IHO1: variants seen among roughly 807,000 people sequenced by gnomAD.
The protein encoded by IHO1 is interactor of HORMAD1 protein 1.
IHO1 carries 13 observed loss-of-function variants against 31.0 expected under a neutral mutation model. The ratio of observed to expected loss-of-function variants is 0.42; its 90% CI spans 0.27 to 0.67. The LOEUF (loss-of-function observed/expected upper bound fraction) is 0.67, where lower values mean the gene tolerates loss of function less well. IHO1 is among the 30% of genes least tolerant of loss of function. The pLI is 0.24. For synonymous variants in IHO1, 221 were observed against 248.4 expected, an observed-to-expected ratio of 0.89 and a Z score of 1.04; for missense variants, 599 against 687.5, an observed-to-expected ratio of 0.87 and a Z score of 1.44.
intron 2 of IHO1, among the ~76,000 whole-genome samples, chr3:49,218,180 C>T (rs1489638124): frequency 6.6e-6 from 1 of 151,890 alleles, no homozygotes; most frequent in African/African-American, 2.4e-5. Context: ...GGGTCAGCAG[C>T]TTAACTCTTT....
the IHO1 span, chr3:49,191,869 A>G: frequency 2.5e-6 from 3 of 1,187,028 alleles, no homozygotes; most frequent in Non-Finnish European, 3.6e-6. Flanking sequence ...TTTGTTGCTT[A>G]GTGACAAGGG....
In IHO1 at chr3:49,256,103, T is replaced by C; in HGVS notation, c.637-31T>C. 6.4e-7 allele frequency: 1 copy of C among 1,561,036 alleles called. No individual in the cohort carries two copies. The highest frequency in any genetic ancestry group is 8.7e-7 in the Non-Finnish European group (1 of 1,148,648). On this transcript the variant is annotated intron_variant, in intron 7 of 7. Transcript: ENST00000452691. The surrounding 1 kb of genome is among the most constrained non-coding windows in gnomAD (Gnocchi z 4.6). ...TGTGCTTTCTGACTTGCACTGTCCA[T>C]CACTGTCTTTCTCACTGCCTCTCTC...
At chr3:49,253,397 C>T (rs1051688228) in intron 6 of IHO1, among the ~76,000 whole-genome samples, 5 of 152,126 alleles carry the variant, frequency 3.3e-5, no homozygotes, top group African/African-American at 1.2e-4. Flanking sequence ...TGCACTCCAG[C>T]TAGGCGACAG....
At chr3:49,247,620 G>A (rs951846816) in intron 6 of IHO1, among the ~76,000 whole-genome samples, 1 of 150,828 alleles carries the variant, frequency 6.6e-6, no homozygotes, top group African/African-American at 2.4e-5. Context: ...GAGACTTTGT[G>A]TCTACAAAAA....
At chr3:49,208,290 T>C (rs1323770864) in intron 1 of IHO1, among the ~76,000 whole-genome samples, 1 of 152,140 alleles carries the variant, frequency 6.6e-6, no homozygotes, top group African/African-American at 2.4e-5. Flanking sequence ...CCATGGCTTG[T>C]TAGGAACCAG....
intron 6 of IHO1, among the ~76,000 whole-genome samples, chr3:49,252,811 G>A (rs1271117868): frequency 2.6e-5 from 4 of 152,090 alleles, no homozygotes; most frequent in South Asian, 2.1e-4. Context: ...TTGGGAGGCC[G>A]AGGTGGGCGA....
intron 2 of IHO1, among the ~76,000 whole-genome samples, chr3:49,219,714 G>A (rs532842933): frequency 1.3e-5 from 2 of 152,268 alleles, no homozygotes; most frequent in South Asian, 2.1e-4. Flanking sequence ...GTTGGAAAAC[G>A]TAGAGCTAAG....
chr3:49,239,663 A>ATT (rs1185572264), intron 3 of IHO1, among the ~76,000 whole-genome samples: 11 of 131,552 alleles, frequency 8.4e-5, no homozygotes, highest in Non-Finnish European at 1.3e-4. Flanking sequence ...GGCTCAAGGG[A>ATT]TTTTTTTTTT....
At chr3:49,241,109 A>T in intron 3 of IHO1, 117 bp from the exon 4 acceptor site, 1 of 598,646 alleles carries the variant, frequency 1.7e-6, no homozygotes, top group Non-Finnish European at 2.7e-6. Flanking sequence ...ACTACTTGCT[A>T]TGTTACGTTA....
In IHO1 at chr3:49,240,475, C is replaced by T. The variant is rs940498237; in HGVS notation, c.232-751C>T. 3.3e-5 allele frequency among the ~76,000 whole-genome samples: 5 copies of T among 152,158 alleles called. No homozygotes were observed. In the South Asian group the frequency reaches 6.2e-4, roughly 19 times the overall value. ...CTGACCTCAGGTGATCCGCCCGCCT[C>T]GGCCTCCCAAAGTGCTGGGATTACA... On this transcript the variant is annotated intron_variant, in intron 3 of 7. Transcript: ENST00000452691.
In IHO1 at chr3:49,236,620, T is replaced by G; in HGVS notation, c.129T>G (p.Phe43Leu). 1 of 1,613,856 alleles carries G rather than the reference T, an allele frequency of 6.2e-7. No homozygotes were observed. The highest frequency in any genetic ancestry group is 8.5e-7 in the Non-Finnish European group (1 of 1,179,728). ...GTCTCAGTGATTCCCAGTTCCTCTT[T>G]GGATCTCAGTTCTGTCCAGAAAATT... ...YSSLSDSQFL[F>L]GSQFCPENSE... The change falls in exon 3 of 8, where the codon TTT becomes TTG. Residue 43 changes from phenylalanine (F) to leucine (L), a missense_variant. Physicochemically the swap from Phe to Leu is conservative, Grantham distance 22. Transcript: ENST00000452691.
intron 2 of IHO1, among the ~76,000 whole-genome samples, chr3:49,225,126 T>C (rs1313392832): frequency 2.6e-5 from 4 of 152,238 alleles, no homozygotes; most frequent in African/African-American, 4.8e-5. Context: ...CCTGCGGGTC[T>C]GAGTAAGGAC....
chr3:49,195,205 A>G (rs2045989859), upstream of IHO1, among the ~76,000 whole-genome samples: 1 of 150,384 alleles, frequency 6.6e-6, no homozygotes, highest in Non-Finnish European at 1.5e-5. Context: ...AGATCACCTG[A>G]GGTCAGGAGT....
chr3:49,211,618 C>T (rs561000479), intron 1 of IHO1, 148 bp from the exon 2 acceptor site: 76 of 352,898 alleles, frequency 2.2e-4, no homozygotes, highest in African/African-American at 1.5e-3. Flanking sequence ...AGCAAAACTC[C>T]GTCTCAAAAA....
At position 49,205,652 on chromosome 3, in the gene IHO1, G is replaced by A. The variant is rs565002924; in HGVS notation, c.-16+6079G>A. Reference sequence around the variant, plus strand: ...TCTGTTACCCAGGCTGGAGTGTGGAGTACAGTGGCACAATCTCAGCTCATT... The same window carrying A: ...TCTGTTACCCAGGCTGGAGTGTGGAATACAGTGGCACAATCTCAGCTCATT... On this transcript the variant is annotated intron_variant, in intron 1 of 7. Transcript: ENST00000452691. 1.7e-4 allele frequency among the ~76,000 whole-genome samples: 26 copies of A among 151,278 alleles called. No homozygotes were observed. In the South Asian group the frequency reaches 4.4e-3, roughly 25 times the overall value.
chr3:49,203,931 A>C (rs2046102119), intron 1 of IHO1, among the ~76,000 whole-genome samples: 1 of 152,194 alleles, frequency 6.6e-6, no homozygotes, highest in Non-Finnish European at 1.5e-5. Context: ...GCTTAGGGGA[A>C]GTTATGAGGA....
At chr3:49,224,765 G>A (rs1030144261) in intron 2 of IHO1, among the ~76,000 whole-genome samples, 1 of 151,914 alleles carries the variant, frequency 6.6e-6, no homozygotes, top group Non-Finnish European at 1.5e-5. Context: ...CATCTTGAGC[G>A]GCATAAGTCT....
chr3:49,204,925 G>A (rs2046115606), intron 1 of IHO1, among the ~76,000 whole-genome samples: 1 of 152,074 alleles, frequency 6.6e-6, no homozygotes, highest in South Asian at 2.1e-4. Context: ...CTACTTAGGA[G>A]GCTGAGGCAG....
intron 2 of IHO1, among the ~76,000 whole-genome samples, chr3:49,212,666 A>G (rs1257726078): frequency 6.6e-6 from 1 of 152,154 alleles, no homozygotes; most frequent in Non-Finnish European, 1.5e-5. Context: ...CGGCATGTCC[A>G]GAGTTTGTTC....
Sources: gnomAD v4.1 joint callset for allele counts (sites outside exome capture counted in the v4.1 genomes callset) on GRCh38, gnomAD v4.1.1 for gene constraint, Gnocchi (gnomAD v3.1) non-coding constraint, MANE v1.5 for transcripts, NCBI Gene and HGNC (gene_info 2026-07-23, HGNC 2026-07-21) for gene names.